IL1R1: variants seen among roughly 807,000 people sequenced by gnomAD.
IL1R1 encodes the protein interleukin 1 receptor type 1, also known as interleukin-1 receptor type 1.
Under a neutral mutation model 50.2 loss-of-function variants are expected in IL1R1, and 22 were observed. That is an observed-to-expected ratio of 0.44 (90% CI 0.31 to 0.63). The LOEUF is 0.63. Among genes scored for constraint, IL1R1 ranks in the 20% least tolerant of loss-of-function variants. The probability of loss-of-function intolerance (pLI) is 0.07; values close to 1 mark genes in which losing one functional copy is unlikely to be tolerated. For missense variants in IL1R1, 509 were observed against 676.2 expected (o/e 0.75, Z 2.74); for synonymous variants, 251 against 236.7 (o/e 1.06, Z -0.55).
chr2:102,146,298 A>G (rs1250180083), intron 1 of IL1R1, among the ~76,000 whole-genome samples: 1 of 152,172 alleles, frequency 6.6e-6, no homozygotes, highest in Non-Finnish European at 1.5e-5. Context: ...CACCCCCCTT[A>G]ATGCAAATAT....
At chr2:102,084,263 G>A (rs1249673095) in intron 1 of IL1R1, among the ~76,000 whole-genome samples, 1 of 152,208 alleles carries the variant, frequency 6.6e-6, no homozygotes, top group Non-Finnish European at 1.5e-5. Context: ...TGGTTCCCAG[G>A]AATGCTGGAA....
At chr2:102,093,852 C>T (rs1021174855) in intron 1 of IL1R1, among the ~76,000 whole-genome samples, 1 of 148,426 alleles carries the variant, frequency 6.7e-6, no homozygotes, top group African/African-American at 2.5e-5. Context: ...AGGAGACACG[C>T]GCGGGGCAGC....
intron 1 of IL1R1, among the ~76,000 whole-genome samples, chr2:102,130,437 G>C (rs1271990734): frequency 1.3e-5 from 2 of 152,102 alleles, no homozygotes; most frequent in African/African-American, 4.8e-5. Flanking sequence ...ATCTTTAGCT[G>C]TCTCCCTCAC....
intron 1 of IL1R1, among the ~76,000 whole-genome samples, chr2:102,095,062 C>T (rs527828712): frequency 5.9e-5 from 9 of 152,108 alleles, no homozygotes; most frequent in African/African-American, 1.2e-4. Flanking sequence ...TTAACAGATA[C>T]GCCACTTCAC....
At chr2:102,141,515 A>G (rs148546432), upstream of IL1R1, among the ~76,000 whole-genome samples, 1 of 152,368 alleles carries the variant, frequency 6.6e-6, no homozygotes, top group East Asian at 1.9e-4. Flanking sequence ...TTGTTTAAGA[A>G]TGAGAAATTG....
intron 1 of IL1R1, among the ~76,000 whole-genome samples, chr2:102,093,115 C>G (rs1044297216): frequency 6.6e-6 from 1 of 152,088 alleles, no homozygotes; most frequent in African/African-American, 2.4e-5. Context: ...GTGGAATTGC[C>G]TGTTATTCAA....
At chr2:102,077,628 T>C (rs184605331) in intron 1 of IL1R1, among the ~76,000 whole-genome samples, 194 of 152,334 alleles carry the variant, frequency 1.3e-3, no homozygotes, top group Admixed American at 2.8e-3. Flanking sequence ...GATTGATTCA[T>C]TTTTCTCCTC....
chr2:102,099,101 A>G (rs1309413606), intron 1 of IL1R1, among the ~76,000 whole-genome samples: 2 of 152,236 alleles, frequency 1.3e-5, no homozygotes, highest in Non-Finnish European at 2.9e-5. Context: ...ACAGAAATAT[A>G]CATCGAGGCA....
chr2:102,175,472 C>T lies in IL1R1; in HGVS notation c.1136-6C>T. The T allele has an allele frequency of 1.2e-6, 2 of 1,610,606 alleles. No individual in the cohort carries two copies. Among genetic ancestry groups the T allele is most frequent in the Non-Finnish European group, 1.7e-6 (2 of 1,177,328 alleles). ...TGGTTCTAAATACATTATGTTTTTCCTTTAGCTTCAGATGGAAAGACCTAT... is the reference window on the plus strand; with the variant it reads ...TGGTTCTAAATACATTATGTTTTTCTTTTAGCTTCAGATGGAAAGACCTAT... On this transcript the variant is annotated splice_region_variant and splice_polypyrimidine_tract_variant and intron_variant, in intron 10 of 11. Transcript: ENST00000410023.
rs537464837 is a variant in IL1R1, at chr2:102,075,816, T to TA, written c.-84+5286dup. 2.1e-3 allele frequency among the ~76,000 whole-genome samples: 315 copies of TA among 152,368 alleles called. 1 individual carries two copies. The highest frequency in any genetic ancestry group is 2.5e-3 in the Non-Finnish European group (168 of 68,036). ...CTGGGAGTGGCTATGAGGAGCCATTTAAATTTCTAGCAGCAAATGGGTGGC... is the reference window on the plus strand; with the variant it reads ...CTGGGAGTGGCTATGAGGAGCCATTTAAAATTTCTAGCAGCAAATGGGTGGC... On this transcript the variant is annotated intron_variant, in intron 1 of 11. Transcript: ENST00000409929.
intron 1 of IL1R1, among the ~76,000 whole-genome samples, chr2:102,108,258 A>G (rs1680536100): frequency 6.6e-6 from 1 of 151,628 alleles, no homozygotes; most frequent in African/African-American, 2.4e-5. Context: ...GGGTGTGTAT[A>G]ACATATTTCT....
intron 1 of IL1R1, among the ~76,000 whole-genome samples, chr2:102,086,130 A>G (rs1679419234): frequency 6.6e-6 from 1 of 152,198 alleles, no homozygotes; most frequent in African/African-American, 2.4e-5. Flanking sequence ...AATAATCTGT[A>G]CATGCTTGTG....
At chr2:102,093,987 C>A (rs561410505) in intron 1 of IL1R1, among the ~76,000 whole-genome samples, 2 of 152,314 alleles carry the variant, frequency 1.3e-5, no homozygotes, top group African/African-American at 4.8e-5. Flanking sequence ...CAGAAATACA[C>A]CATGATCTGC....
chr2:102,088,559 T>C (rs1161013820), intron 1 of IL1R1, among the ~76,000 whole-genome samples: 1 of 152,210 alleles, frequency 6.6e-6, no homozygotes, highest in Non-Finnish European at 1.5e-5. Context: ...TAGCCTAAGT[T>C]TTGAAATGAG....
intron 7 of IL1R1, 71 bp downstream of exon 7, chr2:102,168,734 G>A (rs1685417748): frequency 8.8e-6 from 9 of 1,018,506 alleles, no homozygotes; most frequent in South Asian, 1.4e-5. Flanking sequence ...AAGATAAATT[G>A]TATCTTTACT....
intron 1 of IL1R1, among the ~76,000 whole-genome samples, chr2:102,144,463 GT>G (rs1053255246): frequency 1.0e-4 from 15 of 149,274 alleles, no homozygotes; most frequent in Admixed American, 4.7e-4. Context: ...GTGACATCAA[GT>G]TTTTTTTTTA....
At chr2:102,096,596 C>T (rs7601377) in intron 1 of IL1R1, among the ~76,000 whole-genome samples, 129,040 of 151,858 alleles carry the variant, frequency 0.85, 55,108 homozygotes, top group East Asian at 0.96. Flanking sequence ...AGGCATTCTA[C>T]ATGTTTGTGT....
rs377263741 is a variant in IL1R1 at position 102,173,878 on chromosome 2, C to T, written c.992-709C>T. ...ACAGACATCATGATCTTGTATGAAG[C>T]GACAGTACTTAAGACCGTAAGTGTG... On this transcript the variant is annotated intron_variant, in intron 9 of 11. Coordinates refer to ENST00000410023, the MANE Select transcript of IL1R1 (RefSeq NM_000877.4). Among the ~76,000 whole-genome samples, 311 of 152,020 alleles carry T rather than the reference C, an allele frequency of 2.0e-3. 1 individual carries two copies. Among genetic ancestry groups the T allele is most frequent in the Non-Finnish European group, 2.4e-3 (160 of 67,982 alleles).
intron 1 of IL1R1, among the ~76,000 whole-genome samples, chr2:102,113,834 GC>G (rs1477963459): frequency 6.6e-6 from 1 of 152,156 alleles, no homozygotes; most frequent in East Asian, 1.9e-4. Context: ...CCTTACACAG[GC>G]TTTATGATTT....
Sources: allele counts gnomAD v4.1 joint callset (sites outside exome capture counted in the v4.1 genomes callset), GRCh38; gene constraint gnomAD v4.1.1; transcripts MANE v1.5; gene names NCBI Gene and HGNC (gene_info 2026-07-23, HGNC 2026-07-21).